Variants in RPSA observed in about 807,000 individuals in gnomAD.
RPSA encodes the protein small ribosomal subunit protein uS2.
For synonymous variants in RPSA, 103 were observed against 126.7 expected (o/e 0.81, Z 1.25); for missense variants, 140 against 372.8 (o/e 0.38, Z 5.14).
At chr3:39,408,786 A>ATG (rs71635896) in intron 3 of RPSA, 62 bp downstream of exon 3, 44 of 883,444 alleles carry the variant, frequency 5.0e-5, no homozygotes, top group Non-Finnish European at 7.4e-5. Flanking sequence ...ATTGTGAGAC[A>ATG]TAGAAAGACA....
At chr3:39,409,089 A>AG (rs199525037) in intron 3 of RPSA, 6,751 of 139,604 alleles carry the variant, frequency 0.048, 257 homozygotes, top group East Asian at 0.14. Flanking sequence ...TGTCTCAAAA[A>AG]AAAAAAAAAA....
At chr3:39,408,113 A>C (rs756694216) in intron 2 of RPSA, 1 of 373,432 alleles carries the variant, frequency 2.7e-6, no homozygotes, top group Non-Finnish European at 5.1e-6. Context: ...TTTTGAGTGG[A>C]AAGTGGGGTA....
rs912473490 is a variant in RPSA, at chr3:39,406,742, G to A, written c.-56G>A. On this transcript the variant is annotated 5_prime_UTR_variant, in exon 1 of 7. Coordinates refer to ENST00000301821, the MANE Select transcript of RPSA (RefSeq NM_002295.6). ...TGTCTTTTCCGTGCTACCTGCAGAG[G>A]GGTCCATACGGCGTTGTTCTGGGTG... 3.0e-5 allele frequency: 12 copies of A among 394,932 alleles called. No individual in the cohort carries two copies. Among genetic ancestry groups the A allele is most frequent in the East Asian group, 8.1e-5 (1 of 12,380 alleles). 24.5% of individuals were successfully genotyped at this position (394,932 alleles called of 1,614,324 possible). A position where few individuals can be genotyped will look rare whatever the true frequency, so the allele number is the denominator to read the frequency against.
At chr3:39,411,863 G>A (rs2125596066) in intron 5 of RPSA, 33 bp from the exon 6 acceptor site, 2 of 1,599,588 alleles carry the variant, frequency 1.3e-6, no homozygotes, top group South Asian at 1.1e-5. Context: ...GTCAGTCCCT[G>A]TAAGTCTTTC....
chr3:39,409,956 C>T (rs1453883020), intron 3 of RPSA, among the ~76,000 whole-genome samples: 8 of 152,212 alleles, frequency 5.3e-5, no homozygotes, highest in East Asian at 1.9e-4. Flanking sequence ...GGCAAAACTC[C>T]GTCTCTACCA....
rs756888899 is a variant in RPSA at position 39,412,363 on chromosome 3, T to C, written c.883T>C (p.Ser295Pro). The C allele has an allele frequency of 7.0e-7, 1 of 1,421,546 alleles. No homozygotes were observed. The highest frequency in any genetic ancestry group is 1.4e-5 in the African/African-American group (1 of 71,230). The allele number at this position is 1,421,546 out of a possible 1,614,324, so 88.1% of individuals were successfully genotyped here. A position where few individuals can be genotyped will look rare whatever the true frequency, so the allele number is the denominator to read the frequency against. ...ATGGGTAGGAGCAACCACTGACTGG[T>C]CTTAAGCTGTTCTTGCATAGGCTCT... Reference protein sequence around the residue: ...TEWVGATTDWS With the variant: ...TEWVGATTDWP The change falls in exon 7 of 7, where the codon TCT becomes CCT. Residue 295 changes from serine to proline, a missense_variant. Physicochemically the swap from Ser to Pro is moderately conservative, Grantham distance 74. Transcript: ENST00000301821.
intron 6 of RPSA, 96 bp from the exon 7 acceptor site, chr3:39,412,178 G>A: frequency 7.6e-7 from 1 of 1,324,298 alleles, no homozygotes; most frequent in Admixed American, 1.7e-5. Context: ...ATTCCAGTGT[G>A]CTACAGCATC....
Position 39,408,776 on chromosome 3 carries a change from A to G in RPSA, c.252+52A>G, listed in dbSNP as rs766594253. The G allele has an allele frequency of 3.9e-6, 4 of 1,019,744 alleles. No individual in the cohort carries two copies. In the African/African-American group the frequency reaches 6.4e-5, roughly 16 times the overall value. The allele number at this position is 1,019,744 out of a possible 1,614,324, so 63.2% of individuals were successfully genotyped here. Reference sequence around the variant, plus strand: ...TATTATAGAAATAAAGCTTACAGACATTGTGAGACATAGAAAGACATAAGA... The same window carrying G: ...TATTATAGAAATAAAGCTTACAGACGTTGTGAGACATAGAAAGACATAAGA... On this transcript the variant is annotated intron_variant, in intron 3 of 6. Coordinates refer to ENST00000301821, the MANE Select transcript of RPSA (RefSeq NM_002295.6).
intron 4 of RPSA, chr3:39,411,358 A>G (rs2042003366): frequency 7.0e-6 from 4 of 568,064 alleles, no homozygotes; most frequent in Admixed American, 2.7e-5. Context: ...AGATGCTAAA[A>G]AGGTGGGTTG....
intron 2 of RPSA, 48 bp downstream of exon 2, chr3:39,407,834 T>A (rs1364604916): frequency 6.5e-6 from 10 of 1,534,208 alleles, no homozygotes; most frequent in Non-Finnish European, 1.8e-6. Context: ...AAGTACAAAT[T>A]TTGAGCTTGC....
chr3:39,410,586 T>C, intron 3 of RPSA, 168 bp from the exon 4 acceptor site: 1 of 732,148 alleles, frequency 1.4e-6, no homozygotes, highest in South Asian at 1.7e-5. Flanking sequence ...TTTTTTAATG[T>C]ATGCAGGAAA....
intron 1 of RPSA, 140 bp from the exon 2 acceptor site, chr3:39,407,481 G>C (rs116179019): frequency 0.017 from 12,186 of 727,094 alleles, 133 homozygotes; most frequent in Non-Finnish European, 0.022. Context: ...GACATGTATG[G>C]GTTAACTTTC....
At chr3:39,407,322 T>G (rs936478536) in intron 1 of RPSA, among the ~76,000 whole-genome samples, 3 of 152,182 alleles carry the variant, frequency 2.0e-5, no homozygotes, top group Admixed American at 1.3e-4. Flanking sequence ...TGTATCTAGT[T>G]GTTAACTTGG....
chr3:39,407,879 A>T (rs138225525), intron 2 of RPSA, 93 bp downstream of exon 2: 5 of 971,516 alleles, frequency 5.1e-6, no homozygotes, highest in Non-Finnish European at 7.8e-6. Context: ...ATTTCTTTCT[A>T]TCTTCCTTAA....
At chr3:39,407,155 G>T in intron 1 of RPSA, 1 of 365,192 alleles carries the variant, frequency 2.7e-6, no homozygotes, top group Non-Finnish European at 5.3e-6. Flanking sequence ...CGCCGTGCGG[G>T]TCAGGAGTTA....
In RPSA at chr3:39,406,750, A is replaced by G. The variant is rs542717441; in HGVS notation, c.-48A>G. ...CCGTGCTACCTGCAGAGGGGTCCAT[A>G]CGGCGTTGTTCTGGGTGAGTTCCGT... On this transcript the variant is annotated 5_prime_UTR_variant, in exon 1 of 7. It adds an upstream start codon to the 5' untranslated region. Transcript: ENST00000301821. 2.7e-5 allele frequency: 11 copies of G among 413,106 alleles called. No individual in the cohort carries two copies. Among genetic ancestry groups the G allele is most frequent in the African/African-American group, 8.3e-5 (4 of 47,934 alleles). 25.6% of individuals were successfully genotyped at this position (413,106 alleles called of 1,614,324 possible). A position where few individuals can be genotyped will look rare whatever the true frequency, so the allele number is the denominator to read the frequency against.
At chr3:39,408,173 A>C (rs2041949002) in intron 2 of RPSA, 1 of 369,680 alleles carries the variant, frequency 2.7e-6, no homozygotes, top group South Asian at 2.2e-5. Context: ...GATGGAAGGC[A>C]TTAAGTTGGC....
chr3:39,411,428 T>C, intron 4 of RPSA: 1 of 587,422 alleles, frequency 1.7e-6, no homozygotes. Context: ...GCCCAGATAT[T>C]TTTTTTAAAT....
At chr3:39,411,609 G>C in intron 4 of RPSA, 40 bp from the exon 5 acceptor site, 3 of 1,607,836 alleles carry the variant, frequency 1.9e-6, no homozygotes, top group Non-Finnish European at 2.5e-6. Context: ...GTTTGGGTTT[G>C]ACCAAGTGTC....
Sources: gnomAD v4.1 joint callset for allele counts (sites outside exome capture counted in the v4.1 genomes callset) on GRCh38, gnomAD v4.1.1 for gene constraint, MANE v1.5 for transcripts, NCBI Gene and HGNC (gene_info 2026-07-23, HGNC 2026-07-21) for gene names.